FRMD4B: variants seen among roughly 807,000 people sequenced by gnomAD.
FRMD4B encodes the protein FERM domain containing 4B.
Under a neutral mutation model 141.5 loss-of-function variants are expected in FRMD4B, and 74 were observed. The ratio of observed to expected loss-of-function variants is 0.52; its 90% CI spans 0.43 to 0.63. The LOEUF is 0.63. Among genes scored for constraint, FRMD4B ranks in the 30% least tolerant of loss-of-function variants. The pLI is 0.00. For missense variants in FRMD4B, 1,366 were observed against 1,253.4 expected (o/e 1.09, Z -1.36); for synonymous variants, 506 against 467.9 (o/e 1.08, Z -1.05).
intron 1 of FRMD4B, among the ~76,000 whole-genome samples, chr3:69,381,302 C>A (rs1007286515): frequency 6.6e-6 from 1 of 152,186 alleles, no homozygotes; most frequent in African/African-American, 2.4e-5. Context: ...CCTAGCTTTG[C>A]TAGCCTGACA....
intron 1 of FRMD4B, among the ~76,000 whole-genome samples, chr3:69,327,614 G>A (rs767801349): frequency 4.6e-5 from 7 of 152,166 alleles, no homozygotes; most frequent in Admixed American, 1.3e-4. Context: ...TGTGACTCAT[G>A]TATAGGTAGA....
intron 1 of FRMD4B, among the ~76,000 whole-genome samples, chr3:69,442,729 G>A (rs368765804): frequency 1.3e-5 from 2 of 152,100 alleles, no homozygotes; most frequent in Non-Finnish European, 1.5e-5. Context: ...AGGGCATTGC[G>A]GATCCATGTG....
At chr3:69,205,166 C>G (rs1362144469) in intron 11 of FRMD4B, among the ~76,000 whole-genome samples, 4 of 151,286 alleles carry the variant, frequency 2.6e-5, no homozygotes, top group Admixed American at 6.6e-5. Context: ...ACTGAGTCCC[C>G]CCCCTTTTTT....
At chr3:69,229,275 C>A (rs986736412) in intron 7 of FRMD4B, among the ~76,000 whole-genome samples, 2 of 152,102 alleles carry the variant, frequency 1.3e-5, no homozygotes, top group African/African-American at 4.8e-5. Flanking sequence ...ACCTTCCTGC[C>A]TTAGCTTCCC....
intron 1 of FRMD4B, among the ~76,000 whole-genome samples, chr3:69,338,168 A>G (rs182724507): frequency 0.02 from 2,980 of 152,240 alleles, 108 homozygotes; most frequent in African/African-American, 0.068. Context: ...GGACAGGGAT[A>G]AAGCTGGAAA....
intron 2 of FRMD4B, among the ~76,000 whole-genome samples, chr3:69,414,748 G>T (rs4428188): frequency 0.15 from 22,502 of 152,218 alleles, 2,207 homozygotes; most frequent in East Asian, 0.42. Context: ...AGGTAACTGC[G>T]TAGGGCGTAC....
intron 1 of FRMD4B, chr3:69,353,739 T>C: frequency 1.0e-6 from 1 of 980,884 alleles, no homozygotes. Context: ...TCCGCTGCCA[T>C]ATAATCTCAA....
intron 1 of FRMD4B, among the ~76,000 whole-genome samples, chr3:69,492,154 C>G (rs932909597): frequency 6.6e-6 from 1 of 152,088 alleles, no homozygotes; most frequent in Non-Finnish European, 1.5e-5. Flanking sequence ...CTTGGGGAGG[C>G]GGCAGAGCAT....
chr3:69,184,440 T>G (rs888961663), intron 19 of FRMD4B, among the ~76,000 whole-genome samples: 1 of 152,250 alleles, frequency 6.6e-6, no homozygotes, highest in Non-Finnish European at 1.5e-5. Flanking sequence ...AATGACTGCA[T>G]AGCATTTTAT....
At chr3:69,340,837 T>C (rs1188083296) in intron 1 of FRMD4B, among the ~76,000 whole-genome samples, 1 of 152,238 alleles carries the variant, frequency 6.6e-6, no homozygotes, top group Non-Finnish European at 1.5e-5. Context: ...TGTTATTTAA[T>C]GTCTGCCTCT....
At chr3:69,212,452 G>T (rs1203379540) in intron 11 of FRMD4B, among the ~76,000 whole-genome samples, 1 of 148,464 alleles carries the variant, frequency 6.7e-6, no homozygotes, top group Non-Finnish European at 1.5e-5. Context: ...TTTAAAAATG[G>T]AGTGGCATGT....
chr3:69,181,412 G>C lies in FRMD4B; in HGVS notation c.2338C>G (p.Pro780Ala), dbSNP rs575416396. ...AAACTATCCTTTTGTGCTAGGTTGGGCATGCTTCCTGAATTTGAAGTAGAA... is the reference window on the plus strand; with the variant it reads ...AAACTATCCTTTTGTGCTAGGTTGGCCATGCTTCCTGAATTTGAAGTAGAA... ...NVSTSNSGSM[P>A]NLAQKDSLRN... is the part of the protein sequence containing the mutation. The change falls in exon 21 of 23, where the codon CCC becomes GCC. Residue 780 changes from proline to alanine, a missense_variant. Physicochemically the swap from Pro to Ala is conservative, Grantham distance 27 (BLOSUM62 -1). Coordinates refer to ENST00000398540, the MANE Select transcript of FRMD4B (RefSeq NM_015123.3). The C allele has an allele frequency of 1.9e-6, 3 of 1,613,922 alleles. No homozygotes were observed. The South Asian group carries it at 3.3e-5, about 18-fold the overall frequency.
chr3:69,385,967 C>T lies in FRMD4B; in HGVS notation c.23G>A (p.Gly8Asp), dbSNP rs1056583739. 1 of 1,603,902 alleles carries T rather than the reference C, an allele frequency of 6.2e-7. No individual in the cohort carries two copies. The highest frequency in any genetic ancestry group is 8.5e-7 in the Non-Finnish European group (1 of 1,175,430). ...GCCGCTGAACAGCAGGTCCTCCACGCCACACATGAACACCGAAGCCATGCC... is the reference window on the plus strand; with the variant it reads ...GCCGCTGAACAGCAGGTCCTCCACGTCACACATGAACACCGAAGCCATGCC... MASVFMC[G>D]VEDLLFSGSR... Residue 8 changes from glycine to aspartate, a missense_variant, in exon 1 of 23, where the codon GGC (glycine) becomes GAC (aspartate). By Grantham distance (94) the Gly-to-Asp change is moderately conservative. Coordinates refer to ENST00000398540, the MANE Select transcript of FRMD4B (RefSeq NM_015123.3).
chr3:69,509,253 C>T (rs1015690149), intron 1 of FRMD4B, among the ~76,000 whole-genome samples: 11 of 152,164 alleles, frequency 7.2e-5, no homozygotes, highest in South Asian at 2.1e-4. Context: ...GGAACGGAAG[C>T]GATCGCTTGC....
intron 2 of FRMD4B, among the ~76,000 whole-genome samples, chr3:69,429,975 G>A (rs902058822): frequency 2.0e-5 from 3 of 151,736 alleles, no homozygotes; most frequent in African/African-American, 7.3e-5. Context: ...TGACCATGCT[G>A]GTCTCAAACT....
intron 16 of FRMD4B, 61 bp downstream of exon 16, chr3:69,194,961 T>G (rs914209741): frequency 2.7e-6 from 4 of 1,502,542 alleles, no homozygotes; most frequent in Non-Finnish European, 2.7e-6. Flanking sequence ...AAATGTCCAC[T>G]ACACTCAGAC....
intron 19 of FRMD4B, among the ~76,000 whole-genome samples, chr3:69,185,977 G>T (rs570372519): frequency 2.1e-4 from 32 of 151,764 alleles, no homozygotes; most frequent in Non-Finnish European, 2.5e-4. Context: ...GAAAGGTGAA[G>T]GTTGCAGTGA....
chr3:69,450,850 T>C (rs1380725859), intron 1 of FRMD4B, among the ~76,000 whole-genome samples: 1 of 152,184 alleles, frequency 6.6e-6, no homozygotes, highest in Non-Finnish European at 1.5e-5. Flanking sequence ...TGATGGTACA[T>C]TTGCCATGAA....
chr3:69,187,977 A>G, intron 18 of FRMD4B, 60 bp from the exon 19 acceptor site: 1 of 873,038 alleles, frequency 1.1e-6, no homozygotes, highest in African/African-American at 1.7e-5. Context: ...GTAAATAAAT[A>G]TCTTGCCAAT....
Sources: gnomAD v4.1 joint callset for allele counts (sites outside exome capture counted in the v4.1 genomes callset) on GRCh38, gnomAD v4.1.1 for gene constraint, MANE v1.5 for transcripts, NCBI Gene and HGNC (gene_info 2026-07-23, HGNC 2026-07-21) for gene names.